The following NOTCH2NLC variants were observed in gnomAD, a reference collection of about 807,000 sequenced individuals.
The protein encoded by NOTCH2NLC is notch 2 N-terminal like C.
In NOTCH2NLC, 4 loss-of-function variants were observed where a neutral mutation model predicts 17.7. The ratio of observed to expected loss-of-function variants is 0.23; its 90% CI spans 0.11 to 0.52. The LOEUF (loss-of-function observed/expected upper bound fraction) is 0.52. Ranked by LOEUF, NOTCH2NLC falls within the 20% of genes least tolerant of loss-of-function variation. The pLI, the probability that NOTCH2NLC is intolerant of heterozygous loss-of-function variation, is 0.96. For synonymous variants in NOTCH2NLC, 18 were observed against 86.0 expected (o/e 0.21, Z 4.38); for missense variants, 57 against 207.2 (o/e 0.28, Z 4.45).
chr1:149,424,508 A>G (rs2084400540), intron 1 of NOTCH2NLC, among the ~76,000 whole-genome samples: 1 of 150,882 alleles, frequency 6.6e-6, no homozygotes, highest in South Asian at 2.1e-4. Context: ...CTAGTAGGGG[A>G]CAATGCTGAC....
chr1:149,442,060 C>T (rs2084522787), intron 2 of NOTCH2NLC, among the ~76,000 whole-genome samples: 4 of 148,938 alleles, frequency 2.7e-5, no homozygotes, highest in South Asian at 2.1e-4. Flanking sequence ...CAGTTTTAGC[C>T]TTGTATAACT....
At position 149,445,580 on chromosome 1, in the gene NOTCH2NLC, A is replaced by T. The variant is rs1225570610; in HGVS notation, c.210-9738A>T. On this transcript the variant is annotated intron_variant, in intron 2 of 4. Coordinates refer to ENST00000650865, the MANE Select transcript of NOTCH2NLC (RefSeq NM_001364013.2). ...CCCCCCTCTAGAGCTCAGCTAGGGCAGGCTGCCACTGCGGATTGGGGGGCC... is the reference window on the plus strand; with the variant it reads ...CCCCCCTCTAGAGCTCAGCTAGGGCTGGCTGCCACTGCGGATTGGGGGGCC... 9.3e-5 allele frequency among the ~76,000 whole-genome samples: 14 copies of T among 150,578 alleles called. No individual in the cohort carries two copies. The East Asian group carries it at 2.8e-3, about 30-fold the overall frequency.
At chr1:149,444,999 A>T (rs2084541132) in intron 2 of NOTCH2NLC, among the ~76,000 whole-genome samples, 1 of 148,504 alleles carries the variant, frequency 6.7e-6, no homozygotes, top group African/African-American at 2.5e-5. Context: ...GAATGGCAAG[A>T]AGTAGTATGA....
intron 1 of NOTCH2NLC, among the ~76,000 whole-genome samples, chr1:149,392,500 CTGT>C (rs2084174883): frequency 6.8e-6 from 1 of 147,476 alleles, no homozygotes; most frequent in Non-Finnish European, 1.5e-5. Flanking sequence ...TGAAGCAGAG[CTGT>C]TGTTTCTGAA....
At chr1:149,427,475 G>T (rs1187216569) in intron 1 of NOTCH2NLC, among the ~76,000 whole-genome samples, 94 of 126,788 alleles carry the variant, frequency 7.4e-4, no homozygotes, top group Middle Eastern at 4.3e-3. Context: ...GTATTCCATT[G>T]TATGTATCTA....
intron 2 of NOTCH2NLC, among the ~76,000 whole-genome samples, chr1:149,436,928 G>A (rs1333703809): frequency 1.6e-5 from 2 of 124,402 alleles, no homozygotes; most frequent in African/African-American, 6.2e-5. Context: ...AATGTAATAT[G>A]TTCAGGTTTT....
At position 149,448,574 on chromosome 1, in the gene NOTCH2NLC, C is replaced by T. The variant is rs1333761931; in HGVS notation, c.210-6744C>T. ...GTGGCTTCTAAAAAAGTACACATAT[C>T]CATTGGGTATGAGTCGGAGCATTAT... On this transcript the variant is annotated intron_variant, in intron 2 of 4. Transcript: ENST00000650865. Among the ~76,000 whole-genome samples, 9 of 147,954 alleles carry T rather than the reference C, an allele frequency of 6.1e-5. No homozygotes were observed. The East Asian group carries it at 1.8e-3, about 30-fold the overall frequency.
chr1:149,460,230 T>A (rs1311394039), intron 3 of NOTCH2NLC, among the ~76,000 whole-genome samples: 2 of 148,228 alleles, frequency 1.3e-5, no homozygotes, highest in Non-Finnish European at 3.0e-5. Context: ...TTCTGGCTAG[T>A]GGAAATGACA....
chr1:149,412,286 A>T (rs2084302352), intron 1 of NOTCH2NLC, among the ~76,000 whole-genome samples: 1 of 145,904 alleles, frequency 6.9e-6, no homozygotes, highest in Non-Finnish European at 1.5e-5. Flanking sequence ...ACTTTGGGGG[A>T]AAAAAGGGTA....
chr1:149,460,993 G>A (rs2084646974), intron 3 of NOTCH2NLC, among the ~76,000 whole-genome samples: 1 of 145,106 alleles, frequency 6.9e-6, no homozygotes, highest in East Asian at 2.0e-4. Context: ...TTAGTACAGT[G>A]GCGCAGTCTC....
intron 1 of NOTCH2NLC, among the ~76,000 whole-genome samples, chr1:149,402,416 C>T (rs2101466481): frequency 1.4e-5 from 2 of 143,534 alleles, no homozygotes; most frequent in African/African-American, 2.6e-5. Context: ...ATTTTTTTTT[C>T]TTTTTTGATT....
At position 149,471,754 on chromosome 1, in the gene NOTCH2NLC, TA is replaced by T. The variant is rs1318458878; in HGVS notation, c.*7606del. Among the ~76,000 whole-genome samples, 3 of 147,948 alleles carry T rather than the reference TA, an allele frequency of 2.0e-5. No individual in the cohort carries two copies. The highest frequency in any genetic ancestry group is 4.5e-5 in the Non-Finnish European group (3 of 66,788). ...GGTAAAAGACACTGAAATATATGCT[TA>T]AAAATGGTGATTTTTGTGATATATG... On this transcript the variant is annotated 3_prime_UTR_variant, in exon 5 of 5. Coordinates refer to ENST00000650865, the MANE Select transcript of NOTCH2NLC (RefSeq NM_001364013.2).
intron 1 of NOTCH2NLC, among the ~76,000 whole-genome samples, chr1:149,418,407 A>G (rs1184988050): frequency 1.4e-5 from 2 of 142,054 alleles, no homozygotes; most frequent in East Asian, 2.2e-4. Context: ...AATCTTGTTA[A>G]TGTGATGAGG....
chr1:149,449,677 GTTTAA>G (rs1440521477), intron 2 of NOTCH2NLC, among the ~76,000 whole-genome samples: 6 of 151,350 alleles, frequency 4.0e-5, no homozygotes, highest in African/African-American at 4.8e-5. Context: ...CTTTTAAAGT[GTTTAA>G]TTTAGTAGAC....
chr1:149,400,314 C>A (rs1284641697), intron 1 of NOTCH2NLC, among the ~76,000 whole-genome samples: 1 of 138,452 alleles, frequency 7.2e-6, no homozygotes, highest in Non-Finnish European at 1.6e-5. Context: ...TTTTTCATAT[C>A]ATCAGTGGCG....
At position 149,468,792 on chromosome 1, in the gene NOTCH2NLC, G is replaced by C. The variant is rs2084700714; in HGVS notation, c.*4639G>C. On this transcript the variant is annotated 3_prime_UTR_variant, in exon 5 of 5. Coordinates refer to ENST00000650865, the MANE Select transcript of NOTCH2NLC (RefSeq NM_001364013.2). ...GACGCAAGTGGAAGCAGTGAGCCTG[G>C]GCGGGTGATGGAGTGGGAGATACGT... Among the ~76,000 whole-genome samples, 2 of 142,210 alleles carry C rather than the reference G, an allele frequency of 1.4e-5. No homozygotes were observed. The highest frequency in any genetic ancestry group is 5.1e-5 in the African/African-American group (2 of 38,918). The allele number at this position is 142,210 out of a possible 152,430, so 93.3% of individuals were successfully genotyped here. A position where few individuals can be genotyped will look rare whatever the true frequency, so the allele number is the denominator to read the frequency against.
At chr1:149,432,697 T>C (rs2084459860) in intron 2 of NOTCH2NLC, among the ~76,000 whole-genome samples, 1 of 150,118 alleles carries the variant, frequency 6.7e-6, no homozygotes, top group African/African-American at 2.4e-5. Flanking sequence ...GAGGTCTTAG[T>C]CTTATGCATT....
chr1:149,442,052 G>A (rs1297421014), intron 2 of NOTCH2NLC, among the ~76,000 whole-genome samples: 5 of 148,180 alleles, frequency 3.4e-5, no homozygotes, highest in African/African-American at 9.9e-5. Context: ...ACTTCAGTCA[G>A]TTTTAGCCTT....
chr1:149,421,485 C>A (rs1381866181), intron 1 of NOTCH2NLC, among the ~76,000 whole-genome samples: 12 of 122,244 alleles, frequency 9.8e-5, no homozygotes, highest in African/African-American at 3.9e-4. Context: ...GGTGACAGAG[C>A]GAGACTCCAT....
Sources: allele counts gnomAD v4.1 joint callset (sites outside exome capture counted in the v4.1 genomes callset), GRCh38; gene constraint gnomAD v4.1.1; transcripts MANE v1.5; gene names NCBI Gene and HGNC (gene_info 2026-07-23, HGNC 2026-07-21).